Variants in WWOX observed in about 807,000 individuals in gnomAD.
WWOX encodes the protein WW domain-containing oxidoreductase.
A neutral mutation model predicts 46.2 loss-of-function variants in WWOX; 69 were observed. The observed-to-expected ratio is 1.49, with a 90% CI of 1.23 to 1.82. WWOX has a LOEUF of 1.82. Among genes scored for constraint, WWOX ranks in the 40% most tolerant of loss-of-function variants. The pLI is 0.00. For missense variants in WWOX, 919 were observed against 542.6 expected (o/e 1.69, Z -6.89); for synonymous variants, 359 against 202.6 (o/e 1.77, Z -6.56).
rs2049120192 is a variant in WWOX at position 79,098,412 on chromosome 16, A to G, written c.1057-113196A>G. 2.0e-5 allele frequency among the ~76,000 whole-genome samples: 3 copies of G among 152,332 alleles called. No individual in the cohort carries two copies. The South Asian group carries it at 6.2e-4, about 32-fold the overall frequency. On this transcript the variant is annotated intron_variant, in intron 8 of 8. Coordinates refer to ENST00000566780, the MANE Select transcript of WWOX (RefSeq NM_016373.4). The stretch of plus-strand genomic sequence containing the variant: ...CTTAACCAGCAGAAGAAAGCCCATT[A>G]ACTAACCCCTCAGGGGTCACCATGG...
chr16:79,127,574 C>T (rs1034916906), intron 8 of WWOX, among the ~76,000 whole-genome samples: 2 of 152,154 alleles, frequency 1.3e-5, no homozygotes, highest in Non-Finnish European at 2.9e-5. Context: ...CAACGTGTAA[C>T]CTTGCACCGA....
chr16:78,914,571 G>A (rs1023253898), intron 8 of WWOX, among the ~76,000 whole-genome samples: 1 of 151,910 alleles, frequency 6.6e-6, no homozygotes, highest in Non-Finnish European at 1.5e-5. Context: ...AGAACTTTTA[G>A]GCACTGTGAG....
chr16:78,776,791 G>C (rs1053706822), intron 8 of WWOX, among the ~76,000 whole-genome samples: 4 of 152,246 alleles, frequency 2.6e-5, no homozygotes, highest in Admixed American at 2.0e-4. Flanking sequence ...CAGGGAGGGA[G>C]AGAGAAAGAG....
chr16:79,026,859 G>C (rs1303056586), intron 8 of WWOX, among the ~76,000 whole-genome samples: 1 of 147,192 alleles, frequency 6.8e-6, no homozygotes, highest in African/African-American at 2.6e-5. Flanking sequence ...TCAATCTCCT[G>C]ACCTTGTGAT....
rs541474938 is a variant in WWOX at position 78,782,423 on chromosome 16, C to G, written c.1056+349671C>G. 2.0e-5 allele frequency among the ~76,000 whole-genome samples: 3 copies of G among 152,188 alleles called. No individual in the cohort carries two copies. In the South Asian group the frequency reaches 6.2e-4, roughly 31 times the overall value. ...AGGAGAAAGGTAGAGCTCTCTTATG[C>G]TGGGGCAACGCTACCAACATTGGTA... is the stretch of plus-strand genomic sequence containing the variant. On this transcript the variant is annotated intron_variant, in intron 8 of 8. Transcript: ENST00000566780.
chr16:78,484,500 A>C (rs1267091948), intron 8 of WWOX, among the ~76,000 whole-genome samples: 4 of 152,190 alleles, frequency 2.6e-5, no homozygotes, highest in African/African-American at 9.7e-5. Context: ...TTACAGTAAG[A>C]CTTATTAGCT....
At chr16:78,739,854 A>G (rs1286197951) in intron 8 of WWOX, among the ~76,000 whole-genome samples, 2 of 152,148 alleles carry the variant, frequency 1.3e-5, no homozygotes, top group African/African-American at 4.8e-5. Flanking sequence ...GATATTCCTT[A>G]TTATGGAAGA....
Position 79,066,541 on chromosome 16 carries a change from A to G in WWOX, c.1057-145067A>G, listed in dbSNP as rs984877065. ...GAAGGGAGGGAAGGAAGGAGGGAATAATTTCCAGGAAGCCTCATTGGATTT... is the reference window on the plus strand; with the variant it reads ...GAAGGGAGGGAAGGAAGGAGGGAATGATTTCCAGGAAGCCTCATTGGATTT... On this transcript the variant is annotated intron_variant, in intron 8 of 8. Transcript: ENST00000566780. Among the ~76,000 whole-genome samples, 5 of 152,266 alleles carry G rather than the reference A, an allele frequency of 3.3e-5. No individual in the cohort carries two copies. In the East Asian group the frequency reaches 7.7e-4, roughly 24 times the overall value.
At chr16:78,591,011 C>T (rs748689099) in intron 8 of WWOX, among the ~76,000 whole-genome samples, 1 of 152,128 alleles carries the variant, frequency 6.6e-6, no homozygotes, top group Non-Finnish European at 1.5e-5. Flanking sequence ...GCTCAACTCA[C>T]GGTGGCTCCA....
intron 8 of WWOX, among the ~76,000 whole-genome samples, chr16:79,179,311 G>C (rs2050863451): frequency 6.6e-6 from 1 of 152,146 alleles, no homozygotes; most frequent in Admixed American, 6.5e-5. Flanking sequence ...CCATTTTTAT[G>C]TTTCCTCTGA....
At chr16:78,940,495 C>G (rs2045830022) in intron 8 of WWOX, among the ~76,000 whole-genome samples, 1 of 152,132 alleles carries the variant, frequency 6.6e-6, no homozygotes, top group Non-Finnish European at 1.5e-5. Context: ...GTTAGGAGTT[C>G]TTTCGAAGTC....
At chr16:78,373,686 A>C (rs2081749942) in intron 5 of WWOX, among the ~76,000 whole-genome samples, 1 of 151,936 alleles carries the variant, frequency 6.6e-6, no homozygotes. Context: ...GTGTGAATTT[A>C]AGTTCATGTT....
Position 78,341,833 on chromosome 16 carries a change from A to G in WWOX, c.517-45027A>G, listed in dbSNP as rs1156602106. 1.7e-5 allele frequency among the ~76,000 whole-genome samples: 2 copies of G among 120,928 alleles called. 1 individual carries two copies. Among genetic ancestry groups the G allele is most frequent in the Non-Finnish European group, 4.0e-5 (2 of 50,574 alleles). The allele number at this position is 120,928 out of a possible 152,430, so 79.3% of individuals were successfully genotyped here. On this transcript the variant is annotated intron_variant, in intron 5 of 8. Transcript: ENST00000566780. Reference sequence around the variant, plus strand: ...TCTAGAGGAATATTTATGGAAGGTTAACAGGGCATGGTGGTGCACACCTGT... The same window carrying G: ...TCTAGAGGAATATTTATGGAAGGTTGACAGGGCATGGTGGTGCACACCTGT...
chr16:78,959,098 C>A (rs571624047), intron 8 of WWOX, among the ~76,000 whole-genome samples: 1 of 152,128 alleles, frequency 6.6e-6, no homozygotes, highest in Non-Finnish European at 1.5e-5. Context: ...ATTAGTAAGA[C>A]CATCTTCCAA....
At chr16:78,736,181 C>A (rs1049995959) in intron 8 of WWOX, among the ~76,000 whole-genome samples, 1 of 152,186 alleles carries the variant, frequency 6.6e-6, no homozygotes, top group African/African-American at 2.4e-5. Context: ...AGTCTGGCTT[C>A]AGGTTTATCC....
chr16:78,470,652 C>T (rs2084200292), intron 8 of WWOX, among the ~76,000 whole-genome samples: 1 of 152,192 alleles, frequency 6.6e-6, no homozygotes, highest in Admixed American at 6.5e-5. Flanking sequence ...GCCTCAGCCT[C>T]CCAAGTAGCT....
chr16:78,620,960 C>G (rs146489537), intron 8 of WWOX, among the ~76,000 whole-genome samples: 220 of 152,252 alleles, frequency 1.4e-3, no homozygotes, highest in Non-Finnish European at 2.5e-3. Flanking sequence ...AAGCATCTCA[C>G]TGTATTTTTA....
At chr16:78,663,200 T>C (rs2047257036) in intron 8 of WWOX, among the ~76,000 whole-genome samples, 1 of 152,208 alleles carries the variant, frequency 6.6e-6, no homozygotes, top group Admixed American at 6.5e-5. Flanking sequence ...ATTGACTTTG[T>C]TTCTATGACT....
intron 6 of WWOX, among the ~76,000 whole-genome samples, chr16:78,388,246 G>C (rs1231584065): frequency 1.3e-5 from 2 of 152,122 alleles, no homozygotes; most frequent in Non-Finnish European, 2.9e-5. Context: ...GGTCAGACTG[G>C]TCTCAAACTC....
Sources: gnomAD v4.1 joint callset for allele counts (sites outside exome capture counted in the v4.1 genomes callset) on GRCh38, gnomAD v4.1.1 for gene constraint, MANE v1.5 for transcripts, NCBI Gene and HGNC (gene_info 2026-07-23, HGNC 2026-07-21) for gene names.